Variants in PHIP observed in about 807,000 individuals in gnomAD.
The protein encoded by PHIP is PHIP subunit of CUL4-Ring ligase complex.
Under a neutral mutation model 236.8 loss-of-function variants are expected in PHIP, and 54 were observed. That is an observed-to-expected ratio of 0.23 (90% CI 0.18 to 0.29). The LOEUF (loss-of-function observed/expected upper bound fraction) is 0.29. PHIP is among the 10% of genes least tolerant of loss of function. The probability of loss-of-function intolerance (pLI) is 1.00; values close to 1 mark genes in which losing one functional copy is unlikely to be tolerated. For synonymous variants in PHIP, 756 were observed against 718.9 expected (o/e 1.05, Z -0.83); for missense variants, 1,370 against 2,190.8 (o/e 0.63, Z 7.48).
At chr6:78,983,140 T>C in intron 22 of PHIP, 23 bp from the exon 23 acceptor site, 5 of 1,230,522 alleles carry the variant, frequency 4.1e-6, no homozygotes, top group Non-Finnish European at 5.7e-6. Flanking sequence ...AAGGGATTAT[T>C]AGATAACACA....
At chr6:79,008,680 G>C (rs542156244) in intron 15 of PHIP, among the ~76,000 whole-genome samples, 2 of 151,938 alleles carry the variant, frequency 1.3e-5, no homozygotes, top group Non-Finnish European at 2.9e-5. Context: ...CTGTCTCCAC[G>C]AGAAAGTAAA....
At chr6:78,942,816 G>A (rs1021835707) in intron 39 of PHIP, among the ~76,000 whole-genome samples, 3 of 152,164 alleles carry the variant, frequency 2.0e-5, no homozygotes, top group African/African-American at 7.2e-5. Context: ...CCCAAATTTT[G>A]TATGGATATG....
At chr6:78,971,101 T>A (rs1217281866) in intron 24 of PHIP, among the ~76,000 whole-genome samples, 1 of 152,262 alleles carries the variant, frequency 6.6e-6, no homozygotes, top group East Asian at 1.9e-4. Context: ...TACACACTTA[T>A]AAGTTAAGAT....
At chr6:79,005,783 T>C (rs1177555200) in intron 15 of PHIP, among the ~76,000 whole-genome samples, 2 of 152,048 alleles carry the variant, frequency 1.3e-5, no homozygotes, top group Non-Finnish European at 2.9e-5. Context: ...GTATCCTTCA[T>C]GTGTTGTTTA....
At chr6:78,978,166 TAATG>T (rs936694303) in intron 24 of PHIP, among the ~76,000 whole-genome samples, 1 of 152,126 alleles carries the variant, frequency 6.6e-6, no homozygotes, top group African/African-American at 2.4e-5. Context: ...TTTAAAGATC[TAATG>T]AACTGTGAAC....
chr6:78,995,525 G>C (rs1200294638), intron 19 of PHIP, among the ~76,000 whole-genome samples: 1 of 152,148 alleles, frequency 6.6e-6, no homozygotes, highest in East Asian at 1.9e-4. Context: ...ATCCTCTCTA[G>C]CATTTGGTGC....
chr6:79,014,157 A>G (rs1770725521), intron 15 of PHIP, among the ~76,000 whole-genome samples: 1 of 151,788 alleles, frequency 6.6e-6, no homozygotes. Flanking sequence ...CTGCTATTAT[A>G]TCTGCTTACT....
chr6:79,001,627 T>G lies in PHIP; in HGVS notation c.1879+272A>C, dbSNP rs142621846. Among the ~76,000 whole-genome samples, 97 of 152,212 alleles carry G rather than the reference T, an allele frequency of 6.4e-4. 1 individual carries two copies. In the South Asian group the frequency reaches 8.1e-3, roughly 13 times the overall value. Reference sequence around the variant, plus strand: ...AATAAATGTTGCTGAGTAAGTAAATTAATTCACTTGTTTCACACCAAATAC... The same window carrying G: ...AATAAATGTTGCTGAGTAAGTAAATGAATTCACTTGTTTCACACCAAATAC... On this transcript the variant is annotated intron_variant, in intron 17 of 39. Transcript: ENST00000275034.
chr6:79,069,608 TTA>T (rs1413341236), intron 4 of PHIP, among the ~76,000 whole-genome samples: 1 of 152,138 alleles, frequency 6.6e-6, no homozygotes, highest in African/African-American at 2.4e-5. Flanking sequence ...GATATTTTTA[TTA>T]TGTTACAGCT....
chr6:78,937,552 T>C lies in PHIP; in HGVS notation c.*3141A>G, dbSNP rs963137196. The stretch of plus-strand genomic sequence containing the variant: ...TTTAGTCAATCCCAAGTCTCAGATG[T>C]TACCTAATCCAGCTCACAAATATTC... On this transcript the variant is annotated 3_prime_UTR_variant, in exon 40 of 40. Transcript: ENST00000275034. 5.9e-5 allele frequency: 9 copies of C among 151,744 alleles called. No homozygotes were observed. Among genetic ancestry groups the C allele is most frequent in the African/African-American group, 1.9e-4 (8 of 41,428 alleles). The allele number at this position is 151,744 out of a possible 1,614,324, so 9.4% of individuals were successfully genotyped here.
At chr6:78,958,350 G>C (rs1401708370) in intron 32 of PHIP, 125 bp downstream of exon 32, 1 of 617,880 alleles carries the variant, frequency 1.6e-6, no homozygotes, top group Non-Finnish European at 2.8e-6. Flanking sequence ...TGCTCTCCCA[G>C]CTGAGCTATT....
At chr6:79,001,290 A>G (rs998161271) in intron 17 of PHIP, among the ~76,000 whole-genome samples, 1 of 151,998 alleles carries the variant, frequency 6.6e-6, no homozygotes, top group Non-Finnish European at 1.5e-5. Context: ...CTCTCATTTA[A>G]TTCTTCAACA....
chr6:79,003,666 C>T (rs1296514141), intron 16 of PHIP, 64 bp downstream of exon 16: 1 of 1,185,796 alleles, frequency 8.4e-7, no homozygotes, highest in Admixed American at 2.7e-5. Flanking sequence ...ACTCCAAAAA[C>T]ATACAACCCC....
intron 12 of PHIP, 106 bp downstream of exon 12, chr6:79,017,240 T>C (rs1770878530): frequency 1.6e-6 from 1 of 645,110 alleles, no homozygotes; most frequent in Non-Finnish European, 2.6e-6. Context: ...TCAAGATCTT[T>C]TAGGTAGGTG....
intron 6 of PHIP, among the ~76,000 whole-genome samples, chr6:79,054,340 A>G (rs1370916962): frequency 8.0e-6 from 1 of 124,322 alleles, no homozygotes; most frequent in Non-Finnish European, 1.8e-5. Context: ...CAATCATTAA[A>G]CCAAAAAAAA....
chr6:78,945,821 T>C, intron 38 of PHIP, 180 bp downstream of exon 38: 1 of 618,338 alleles, frequency 1.6e-6, no homozygotes, highest in Non-Finnish European at 2.8e-6. Context: ...TATAATGACC[T>C]AAACCTCAAT....
intron 15 of PHIP, among the ~76,000 whole-genome samples, chr6:79,011,544 A>G (rs1245883485): frequency 1.3e-5 from 2 of 151,798 alleles, no homozygotes; most frequent in Non-Finnish European, 3.0e-5. Context: ...TTCATGCCCT[A>G]TGTTAGCCTC....
chr6:78,992,743 G>C (rs1429454673), intron 19 of PHIP, among the ~76,000 whole-genome samples: 1 of 152,076 alleles, frequency 6.6e-6, no homozygotes, highest in African/African-American at 2.4e-5. Context: ...CGTGTGTTCT[G>C]ACTGCTCCAC....
chr6:79,036,405 ACT>A (rs150137281), intron 7 of PHIP, among the ~76,000 whole-genome samples: 11,261 of 152,124 alleles, frequency 0.074, 518 homozygotes, highest in Middle Eastern at 0.13. Flanking sequence ...AAATGACCAT[ACT>A]CTGCCTCTTT....
Sources: allele counts gnomAD v4.1 joint callset (sites outside exome capture counted in the v4.1 genomes callset), GRCh38; gene constraint gnomAD v4.1.1; transcripts MANE v1.5; gene names NCBI Gene and HGNC (gene_info 2026-07-23, HGNC 2026-07-21).